LUZP1: variants seen among roughly 807,000 people sequenced by gnomAD.
LUZP1 encodes the protein leucine zipper protein 1, also known as filamin mechanobinding actin cross-linking protein.
A neutral mutation model predicts 71.3 loss-of-function variants in LUZP1; 25 were observed. The ratio of observed to expected loss-of-function variants is 0.35; its 90% CI spans 0.26 to 0.49. The LOEUF (loss-of-function observed/expected upper bound fraction) is 0.49. LUZP1 is among the 20% of genes least tolerant of loss of function. The pLI, the probability that LUZP1 is intolerant of heterozygous loss-of-function variation, is 0.99. For synonymous variants in LUZP1, 481 were observed against 506.4 expected (o/e 0.95, Z 0.67); for missense variants, 1,142 against 1,300.8 (o/e 0.88, Z 1.88).
intron 2 of LUZP1, among the ~76,000 whole-genome samples, chr1:23,124,563 A>G (rs993197651): frequency 1.1e-4 from 16 of 152,278 alleles, no homozygotes; most frequent in Non-Finnish European, 1.3e-4. Flanking sequence ...TTTCTCTTAA[A>G]TATTTCATAA....
At chr1:23,123,829 A>G (rs1037361186) in intron 2 of LUZP1, among the ~76,000 whole-genome samples, 44 of 152,210 alleles carry the variant, frequency 2.9e-4, no homozygotes, top group Non-Finnish European at 6.0e-4. Flanking sequence ...CACCCTATAT[A>G]GACCTAAGAC....
At chr1:23,084,774 C>G (rs1643735956) in exon 5 of LUZP1, 2 of 152,196 alleles carry the variant, frequency 1.3e-5, no homozygotes, top group East Asian at 3.9e-4. Flanking sequence ...TGGAAAGAAT[C>G]TGCACACCAG....
chr1:23,111,542 CAG>C (rs1362933647), intron 2 of LUZP1, among the ~76,000 whole-genome samples: 3 of 152,154 alleles, frequency 2.0e-5, no homozygotes, highest in African/African-American at 4.8e-5. Context: ...GCTTAGATGA[CAG>C]AGTGACGCTC....
At chr1:23,101,789 TCTTTC>T (rs1185893088) in intron 3 of LUZP1, among the ~76,000 whole-genome samples, 1 of 152,190 alleles carries the variant, frequency 6.6e-6, no homozygotes, top group East Asian at 1.9e-4. Flanking sequence ...TAGACACCTC[TCTTTC>T]TACTGCCTCC....
chr1:23,084,146 G>A (rs953235661), exon 5 of LUZP1: 1 of 152,100 alleles, frequency 6.6e-6, no homozygotes, highest in African/African-American at 2.4e-5. Flanking sequence ...TAGGATCAAG[G>A]GCTTAGGTAA....
chr1:23,177,971 G>A (rs950065826), upstream of LUZP1, among the ~76,000 whole-genome samples: 4 of 152,246 alleles, frequency 2.6e-5, no homozygotes, highest in Admixed American at 1.3e-4. Context: ...ATGGGACCCA[G>A]CGCAAACCTC....
intron 2 of LUZP1, among the ~76,000 whole-genome samples, chr1:23,166,913 C>T (rs575642097): frequency 6.6e-6 from 1 of 152,242 alleles, no homozygotes; most frequent in South Asian, 2.1e-4. Context: ...ATACTCCAAC[C>T]CATTCCCTTC....
chr1:23,156,948 C>G (rs556090928), intron 2 of LUZP1, among the ~76,000 whole-genome samples: 9 of 152,196 alleles, frequency 5.9e-5, no homozygotes, highest in Non-Finnish European at 1.2e-4. Context: ...GATGACTTAC[C>G]AGAATTAAGA....
chr1:23,142,989 T>C (rs1011979693), intron 2 of LUZP1, among the ~76,000 whole-genome samples: 16 of 152,028 alleles, frequency 1.1e-4, no homozygotes, highest in African/African-American at 3.6e-4. Context: ...GGCTACATGG[T>C]AAGACTTCGT....
At chr1:23,146,984 C>A (rs528452221) in intron 2 of LUZP1, among the ~76,000 whole-genome samples, 2 of 151,730 alleles carry the variant, frequency 1.3e-5, no homozygotes, top group African/African-American at 4.8e-5. Flanking sequence ...GTAGTCCCAA[C>A]TACTCGGGAG....
chr1:23,152,441 A>G (rs1644391773), intron 2 of LUZP1, among the ~76,000 whole-genome samples: 1 of 152,202 alleles, frequency 6.6e-6, no homozygotes, highest in African/African-American at 2.4e-5. Flanking sequence ...AATGCAGTCC[A>G]CAGAGAATTT....
intron 2 of LUZP1, among the ~76,000 whole-genome samples, chr1:23,110,590 A>G (rs890952494): frequency 1.3e-5 from 2 of 151,664 alleles, no homozygotes; most frequent in African/African-American, 4.9e-5. Flanking sequence ...ACATGCACAC[A>G]TGCACACATA....
At chr1:23,105,873 T>G (rs577060686) in intron 3 of LUZP1, among the ~76,000 whole-genome samples, 8 of 152,298 alleles carry the variant, frequency 5.3e-5, no homozygotes, top group African/African-American at 1.9e-4. Flanking sequence ...TTTTTTTTTT[T>G]GTCTTGGGAT....
intron 2 of LUZP1, among the ~76,000 whole-genome samples, chr1:23,148,745 C>G (rs1383944252): frequency 6.6e-6 from 1 of 151,888 alleles, no homozygotes; most frequent in Non-Finnish European, 1.5e-5. Context: ...ATAAAATTTC[C>G]CAAAAATTTT....
At chr1:23,176,046 C>T (rs1239223076) in intron 1 of LUZP1, among the ~76,000 whole-genome samples, 1 of 149,128 alleles carries the variant, frequency 6.7e-6, no homozygotes, top group Non-Finnish European at 1.5e-5. Flanking sequence ...ATTTCCTCCA[C>T]CTTTTACTTC....
At chr1:23,115,089 T>C (rs541959253) in intron 2 of LUZP1, among the ~76,000 whole-genome samples, 1 of 152,344 alleles carries the variant, frequency 6.6e-6, no homozygotes, top group Admixed American at 6.5e-5. Context: ...TAATTTTCTA[T>C]AAGTCTTGCC....
At chr1:23,107,803 C>T (rs1040278442) in intron 3 of LUZP1, among the ~76,000 whole-genome samples, 4 of 152,060 alleles carry the variant, frequency 2.6e-5, no homozygotes, top group African/African-American at 9.7e-5. Flanking sequence ...AGCAAGACTA[C>T]GCCTTGCAAA....
At chr1:23,112,815 G>GA (rs1209999140) in intron 2 of LUZP1, among the ~76,000 whole-genome samples, 1 of 151,710 alleles carries the variant, frequency 6.6e-6, no homozygotes, top group Non-Finnish European at 1.5e-5. Flanking sequence ...ATGGAAGTAA[G>GA]AAAAAAAAGA....
chr1:23,139,019 A>AAAAAAAAAAAAT (rs1317355746), intron 2 of LUZP1, among the ~76,000 whole-genome samples: 27 of 59,948 alleles, frequency 4.5e-4, no homozygotes, highest in Non-Finnish European at 5.9e-4. Flanking sequence ...AAAAAAAAAA[A>AAAAAAAAAAAAT]ATATATATAT....
Sources: allele counts gnomAD v4.1 joint callset (sites outside exome capture counted in the v4.1 genomes callset), GRCh38; gene constraint gnomAD v4.1.1; transcripts MANE v1.5; gene names NCBI Gene and HGNC (gene_info 2026-07-23, HGNC 2026-07-21).